Variants in BCAR1 observed in about 807,000 individuals in gnomAD.
BCAR1 encodes the protein BCAR1 scaffold protein, Cas family member.
In BCAR1, 30 loss-of-function variants were observed where a neutral mutation model predicts 67.6. The ratio of observed to expected loss-of-function variants is 0.44; its 90% confidence interval spans 0.33 to 0.60. BCAR1 has a LOEUF of 0.60. Among genes scored for constraint, BCAR1 ranks in the 20% least tolerant of loss-of-function variants. The pLI is 0.02. For missense variants in BCAR1, 1,313 were observed against 1,222.3 expected (o/e 1.07, Z -1.11); for synonymous variants, 626 against 556.7 (o/e 1.12, Z -1.75).
upstream of BCAR1, chr16:75,252,540 C>A: frequency 7.1e-6 from 6 of 847,972 alleles, no homozygotes; most frequent in Non-Finnish European, 1.0e-5. Context: ...GCCAGAGCCC[C>A]TGGGCCAGGC....
intron 1 of BCAR1, chr16:75,264,556 T>C: frequency 7.3e-7 from 1 of 1,370,376 alleles, no homozygotes; most frequent in Non-Finnish European, 9.4e-7. Context: ...CCAGAACGGA[T>C]GGCGGGGCTC....
chr16:75,235,974 G>A lies in BCAR1; in HGVS notation c.925C>T (p.Pro309Ser). 1 of 1,571,978 alleles carries A rather than the reference G, an allele frequency of 6.4e-7. No individual in the cohort carries two copies. The highest frequency in any genetic ancestry group is 2.3e-5 in the East Asian group (1 of 42,978). ...PSNHHAVYDV[P>S]PSVSKDVPDG... ...GGCACATCCTTGCTCACCGATGGAGGAACGTCGTAGACCTGGGGGACAAGC... is the reference window on the plus strand; with the variant it reads ...GGCACATCCTTGCTCACCGATGGAGAAACGTCGTAGACCTGGGGGACAAGC... Residue 309 changes from proline (P) to serine (S), a missense_variant, in exon 5 of 7, where the codon CCT becomes TCT. Physicochemically the swap from Pro to Ser is moderately conservative, Grantham distance 74. This residue lies in a region of BCAR1 where 1,272 missense variants were observed against 1,137.5 expected (regional missense o/e 1.12). Coordinates refer to ENST00000162330, the MANE Select transcript of BCAR1 (RefSeq NM_014567.5).
rs1381130337 is a variant in BCAR1, at chr16:75,264,556, T to A, written c.66+3359A>T. The A allele has an allele frequency of 3.6e-6, 5 of 1,370,258 alleles. No homozygotes were observed. The African/African-American group carries it at 7.3e-5, about 20-fold the overall frequency. 84.9% of individuals were successfully genotyped at this position (1,370,258 alleles called of 1,614,324 possible). On this transcript the variant is annotated intron_variant, in intron 1 of 6. Transcript: ENST00000393422. ...CGATTATGCTCTGAACCAGAACGGA[T>A]GGCGGGGCTCACATCAGCACAGTCT...
intron 2 of BCAR1, among the ~76,000 whole-genome samples, chr16:75,241,655 C>T (rs962290929): frequency 4.6e-5 from 7 of 152,220 alleles, no homozygotes; most frequent in Non-Finnish European, 7.3e-5. Context: ...CACCCGCCAA[C>T]GACCTCCGGC....
rs1597227640 is a variant in BCAR1 at position 75,243,015 on chromosome 16, T to G, written c.88A>C (p.Met30Leu). The change falls in exon 2 of 7, where the codon ATG becomes CTG. Residue 30 changes from methionine to leucine, a missense_variant. By Grantham distance (15) the Met-to-Leu change is conservative. Transcript: ENST00000162330. ...DELSFRKGDI[M>L]TVLEQDTQGL... ...TGCGTGTCCTGCTCCAGCACCGTCA[T>G]GATGTCACCCTTGCGGAAGGAGAGC... The G allele has an allele frequency of 6.2e-7, 1 of 1,612,290 alleles. No homozygotes were observed. Among genetic ancestry groups the G allele is most frequent in the South Asian group, 1.1e-5 (1 of 90,992 alleles).
At chr16:75,265,388 T>C (rs2077984855) in intron 1 of BCAR1, among the ~76,000 whole-genome samples, 1 of 151,968 alleles carries the variant, frequency 6.6e-6, no homozygotes. Flanking sequence ...AGCACAGGCC[T>C]CCCACCCCCT....
intron 1 of BCAR1, among the ~76,000 whole-genome samples, chr16:75,258,123 C>T (rs1027732153): frequency 1.3e-5 from 2 of 152,222 alleles, no homozygotes; most frequent in Non-Finnish European, 2.9e-5. Flanking sequence ...CACACACTGG[C>T]CCCACCCCGC....
chr16:75,248,181 T>A lies in BCAR1; in HGVS notation c.12+3290A>T. On this transcript the variant is annotated intron_variant, in intron 1 of 6. Coordinates refer to ENST00000162330, the MANE Select transcript of BCAR1 (RefSeq NM_014567.5). ...TGGAGCTGGGTGGCTCCACTTTATC[T>A]CCACCGAGGGGTGACGCCTGGGTTC... 3 of 1,575,136 alleles carry A rather than the reference T, an allele frequency of 1.9e-6. No homozygotes were observed. The South Asian group carries it at 3.4e-5, about 18-fold the overall frequency.
At chr16:75,236,022 TCCATCTGC>T (rs746120147) in intron 4 of BCAR1, 36 bp from the exon 5 acceptor site, 1 of 1,538,082 alleles carries the variant, frequency 6.5e-7, no homozygotes, top group Non-Finnish European at 8.8e-7. Flanking sequence ...TGTCCATCTG[TCCATCTGC>T]CCACCCCAGG....
chr16:75,266,034 G>T, intron 1 of BCAR1: 5 of 1,027,082 alleles, frequency 4.9e-6, no homozygotes, highest in Non-Finnish European at 4.7e-6. Context: ...CCCCCCCACC[G>T]TCTCCGCGGC....
chr16:75,251,645 C>T, upstream of BCAR1: 2 of 1,001,018 alleles, frequency 2.0e-6, no homozygotes, highest in Non-Finnish European at 2.4e-6. Flanking sequence ...CGCCTGCCGC[C>T]ACGGCCCAGC....
intron 4 of BCAR1, chr16:75,236,601 G>T: frequency 2.0e-6 from 1 of 505,870 alleles, no homozygotes; most frequent in Non-Finnish European, 3.3e-6. Context: ...ACTCTTGGAA[G>T]TATCCCAGGT....
chr16:75,231,098 CT>C (rs201896551), intron 6 of BCAR1, among the ~76,000 whole-genome samples: 1,430 of 131,548 alleles, frequency 0.011, 6 homozygotes, highest in Middle Eastern at 0.02. Flanking sequence ...CCAGGCTAAT[CT>C]TTTTTTTTTT....
At chr16:75,254,189 C>CA (rs2151467383), upstream of BCAR1, among the ~76,000 whole-genome samples, 1 of 152,212 alleles carries the variant, frequency 6.6e-6, no homozygotes, top group Non-Finnish European at 1.5e-5. Flanking sequence ...AGGGACAGGG[C>CA]CAGGGAAGAA....
chr16:75,254,685 G>A (rs1426077359), upstream of BCAR1, among the ~76,000 whole-genome samples: 1 of 152,216 alleles, frequency 6.6e-6, no homozygotes, highest in African/African-American at 2.4e-5. Context: ...CTGCAGATAT[G>A]TGGCCGGGGC....
intron 1 of BCAR1, among the ~76,000 whole-genome samples, chr16:75,243,961 G>A (rs942737715): frequency 2.6e-5 from 4 of 152,242 alleles, no homozygotes; most frequent in Non-Finnish European, 4.4e-5. Context: ...GGTGTGGGCG[G>A]TTGCAGCAAA....
chr16:75,254,418 G>A (rs376756477), upstream of BCAR1, among the ~76,000 whole-genome samples: 6 of 152,228 alleles, frequency 3.9e-5, no homozygotes, highest in African/African-American at 1.4e-4. Context: ...TTGGTGAGAA[G>A]GGGTGCAGTA....
intron 2 of BCAR1, 147 bp from the exon 3 acceptor site, chr16:75,237,491 C>A: frequency 1.1e-6 from 1 of 944,376 alleles, no homozygotes; most frequent in South Asian, 2.5e-5. Flanking sequence ...CAGTTCTCAC[C>A]CCCTCTGCAC....
chr16:75,236,832 A>G (rs2077156145), intron 4 of BCAR1, 50 bp downstream of exon 4: 1 of 1,590,882 alleles, frequency 6.3e-7, no homozygotes, highest in South Asian at 1.2e-5. Flanking sequence ...ACACACCCAG[A>G]CACCCCACAG....
Sources: allele counts gnomAD v4.1 joint callset (sites outside exome capture counted in the v4.1 genomes callset), GRCh38; gene constraint gnomAD v4.1.1; regional missense constraint gnomAD v4.1.1; transcripts MANE v1.5; gene names NCBI Gene and HGNC (gene_info 2026-07-23, HGNC 2026-07-21).